PRKD1: variants seen among roughly 807,000 people sequenced by gnomAD.
PRKD1 encodes the protein protein kinase D1.
Under a neutral mutation model 95.9 loss-of-function variants are expected in PRKD1, and 63 were observed. That is an observed-to-expected ratio of 0.66 (90% CI 0.54 to 0.81). The LOEUF (loss-of-function observed/expected upper bound fraction) is 0.81, where lower values mean the gene tolerates loss of function less well. PRKD1 is among the 30% of genes least tolerant of loss of function. The pLI is 0.00. For missense variants in PRKD1, 1,048 were observed against 1,165.3 expected, an observed-to-expected ratio of 0.90 and a Z score of 1.47; for synonymous variants, 425 against 423.1, an observed-to-expected ratio of 1.00 and a Z score of -0.05.
intron 1 of PRKD1, among the ~76,000 whole-genome samples, chr14:29,787,217 T>TG (rs1474934515): frequency 1.2e-5 from 1 of 86,786 alleles, no homozygotes; most frequent in African/African-American, 4.8e-5. Flanking sequence ...TGTTCAGTGT[T>TG]TTTTTTTTTT....
intron 1 of PRKD1, among the ~76,000 whole-genome samples, chr14:29,829,866 C>T (rs754387650): frequency 7.2e-5 from 11 of 152,018 alleles, no homozygotes; most frequent in Non-Finnish European, 1.3e-4. Context: ...ATAAACAAAA[C>T]ACAAAAATGA....
intron 1 of PRKD1, among the ~76,000 whole-genome samples, chr14:29,836,356 G>T (rs113524348): frequency 0.011 from 1,715 of 152,304 alleles, 29 homozygotes; most frequent in African/African-American, 0.039. Flanking sequence ...ATAACTGGAA[G>T]TAGGATGGAG....
At chr14:29,745,453 A>G (rs991022051) in intron 1 of PRKD1, among the ~76,000 whole-genome samples, 2 of 152,140 alleles carry the variant, frequency 1.3e-5, no homozygotes, top group African/African-American at 2.4e-5. Flanking sequence ...CAAAGTATTA[A>G]GGGAATTAGT....
chr14:29,886,843 T>C (rs538182764), intron 1 of PRKD1, among the ~76,000 whole-genome samples: 15 of 152,366 alleles, frequency 9.8e-5, no homozygotes, highest in Non-Finnish European at 1.6e-4. Flanking sequence ...TCATTTATAT[T>C]TAACTTATCA....
intron 1 of PRKD1, among the ~76,000 whole-genome samples, chr14:29,778,608 T>G (rs1040999542): frequency 2.0e-5 from 3 of 152,076 alleles, no homozygotes; most frequent in African/African-American, 7.2e-5. Flanking sequence ...AATCCCTGAA[T>G]AGACAAATAA....
intron 4 of PRKD1, among the ~76,000 whole-genome samples, chr14:29,641,684 G>T (rs73255525): frequency 0.059 from 8,930 of 152,114 alleles, 833 homozygotes; most frequent in African/African-American, 0.2. Context: ...TATCTGATGA[G>T]TCCCTAAGCG....
At chr14:29,762,191 A>C (rs1363194232) in intron 1 of PRKD1, among the ~76,000 whole-genome samples, 1 of 152,198 alleles carries the variant, frequency 6.6e-6, no homozygotes, top group African/African-American at 2.4e-5. Flanking sequence ...CTAGTTTTAT[A>C]GTATAATCAG....
intron 2 of PRKD1, among the ~76,000 whole-genome samples, chr14:29,686,870 G>C (rs1883904340): frequency 6.6e-6 from 1 of 152,200 alleles, no homozygotes; most frequent in South Asian, 2.1e-4. Context: ...CTTGAGGTTA[G>C]GGTTGATGCA....
intron 1 of PRKD1, among the ~76,000 whole-genome samples, chr14:29,736,285 T>A (rs1247875507): frequency 6.6e-6 from 1 of 152,206 alleles, no homozygotes; most frequent in African/African-American, 2.4e-5. Context: ...ATCCGTTTTA[T>A]TGAACATAAC....
At chr14:29,752,130 T>C (rs1452861106) in intron 1 of PRKD1, among the ~76,000 whole-genome samples, 1 of 152,136 alleles carries the variant, frequency 6.6e-6, no homozygotes, top group African/African-American at 2.4e-5. Flanking sequence ...AGATACAAGA[T>C]GTTAGAAAAA....
chr14:29,781,298 A>G (rs1302062787), intron 1 of PRKD1, among the ~76,000 whole-genome samples: 1 of 152,172 alleles, frequency 6.6e-6, no homozygotes, highest in Non-Finnish European at 1.5e-5. Context: ...TGATAATAAT[A>G]AAAAAGAATC....
chr14:29,780,839 C>A (rs551621601), intron 1 of PRKD1, among the ~76,000 whole-genome samples: 7 of 152,198 alleles, frequency 4.6e-5, no homozygotes, highest in African/African-American at 1.7e-4. Flanking sequence ...CACATGCACA[C>A]GTACGTTTAT....
chr14:29,875,104 C>A (rs1481960172), intron 1 of PRKD1, among the ~76,000 whole-genome samples: 2 of 152,030 alleles, frequency 1.3e-5, no homozygotes, highest in Non-Finnish European at 2.9e-5. Flanking sequence ...TATATTAATT[C>A]TTTATACTTG....
intron 1 of PRKD1, among the ~76,000 whole-genome samples, chr14:29,734,830 A>G (rs1566569297): frequency 1.3e-5 from 2 of 152,064 alleles, no homozygotes; most frequent in Non-Finnish European, 2.9e-5. Context: ...TTCCCCCAAA[A>G]TCCTGTTGGC....
chr14:29,881,468 A>G (rs917426889), intron 1 of PRKD1, among the ~76,000 whole-genome samples: 2 of 151,994 alleles, frequency 1.3e-5, no homozygotes, highest in African/African-American at 2.4e-5. Context: ...GTGAAAATGG[A>G]CTAACACACC....
rs149049625 is a variant in PRKD1 at position 29,616,136 on chromosome 14, T to C, written c.1905+8016A>G. ...AAATGGAGGGAAACGTTTAGGAAGA[T>C]AGAGGAGCTAGCAAGGAAGGAAAAA... On this transcript the variant is annotated intron_variant, in intron 13 of 17. Coordinates refer to ENST00000331968, the MANE Select transcript of PRKD1 (RefSeq NM_002742.3). Among the ~76,000 whole-genome samples the C allele has an allele frequency of 2.4e-3, 357 of 145,908 alleles. 1 individual carries two copies. The highest frequency in any genetic ancestry group is 0.012 in the Middle Eastern group (3 of 248).
chr14:29,897,946 CTA>C (rs1894189747), intron 1 of PRKD1, among the ~76,000 whole-genome samples: 1 of 151,952 alleles, frequency 6.6e-6, no homozygotes, highest in African/African-American at 2.4e-5. Flanking sequence ...ATACAGCTAT[CTA>C]TGTTTCTTAA....
In PRKD1 at chr14:29,752,554, TATTATTATATCC is replaced by T. The variant is rs541552763; in HGVS notation, c.265-26892_265-26881del. ...TCCTCCTCTTGAGTGGACAAATATT[TATTATTATATCC>T]ATATATCTTATTATATATATATATA... On this transcript the variant is annotated intron_variant, in intron 1 of 17. Coordinates refer to ENST00000331968, the MANE Select transcript of PRKD1 (RefSeq NM_002742.3). 2.4e-3 allele frequency among the ~76,000 whole-genome samples: 357 copies of T among 151,348 alleles called. 4 individuals are homozygous for T. Among genetic ancestry groups the T allele is most frequent in the African/African-American group, 8.2e-3 (338 of 41,392 alleles).
At chr14:29,765,208 T>C (rs933722009) in intron 1 of PRKD1, among the ~76,000 whole-genome samples, 1 of 152,128 alleles carries the variant, frequency 6.6e-6, no homozygotes, top group African/African-American at 2.4e-5. Context: ...AAAGGAGTAG[T>C]ATCAAGAAGA....
Sources: allele counts gnomAD v4.1 joint callset (sites outside exome capture counted in the v4.1 genomes callset), GRCh38; gene constraint gnomAD v4.1.1; transcripts MANE v1.5; gene names NCBI Gene and HGNC (gene_info 2026-07-23, HGNC 2026-07-21).